Variants in MED15 observed in about 807,000 individuals in gnomAD.
The protein encoded by MED15 is mediator complex subunit 15.
A neutral mutation model predicts 118.7 loss-of-function variants in MED15; 41 were observed. The observed-to-expected ratio is 0.35, with a 90% CI of 0.27 to 0.45. MED15 has a LOEUF of 0.45. Ranked by LOEUF, MED15 falls within the 20% of genes least tolerant of loss-of-function variation. The pLI is 1.00. For synonymous variants in MED15, 436 were observed against 413.9 expected (o/e 1.05, Z -0.65); for missense variants, 740 against 1,025.5 (o/e 0.72, Z 3.80).
intron 1 of MED15, among the ~76,000 whole-genome samples, chr22:20,526,499 T>C (rs2054651297): frequency 6.6e-6 from 1 of 152,258 alleles, no homozygotes; most frequent in African/African-American, 2.4e-5. Flanking sequence ...GTTTACATTT[T>C]CTGCCTACAC....
chr22:20,557,881 C>T lies in MED15; in HGVS notation c.451+2733C>T, dbSNP rs12168994. On this transcript the variant is annotated intron_variant, in intron 5 of 17. Coordinates refer to ENST00000263205, the MANE Select transcript of MED15 (RefSeq NM_001003891.3). ...CAGCACTTTGGGAGGCTGAGGCGGG[C>T]GGATCACGAGGTCAGGAGATCGAGA... Among the ~76,000 whole-genome samples the T allele has an allele frequency of 6.6e-3, 1,011 of 152,160 alleles. 12 individuals carry two copies. Among genetic ancestry groups the T allele is most frequent in the African/African-American group, 0.022 (933 of 41,514 alleles).
chr22:20,541,650 A>T (rs2094431191), intron 2 of MED15, among the ~76,000 whole-genome samples: 1 of 125,514 alleles, frequency 8.0e-6, no homozygotes, highest in South Asian at 2.6e-4. Flanking sequence ...CACCCAGCTA[A>T]TTTTTTTTTT....
intron 9 of MED15, among the ~76,000 whole-genome samples, chr22:20,578,597 C>T (rs2056890133): frequency 1.3e-5 from 2 of 152,154 alleles, no homozygotes; most frequent in South Asian, 4.1e-4. Context: ...CAGTCCCTTC[C>T]GAGAAAAAGA....
chr22:20,544,115 G>A (rs75472746), intron 2 of MED15, among the ~76,000 whole-genome samples: 9,222 of 152,204 alleles, frequency 0.061, 649 homozygotes, highest in East Asian at 0.38. Flanking sequence ...AGATAATACA[G>A]ACTTTCTGTA....
At chr22:20,538,762 C>T (rs141519754) in intron 2 of MED15, among the ~76,000 whole-genome samples, 90 of 152,154 alleles carry the variant, frequency 5.9e-4, no homozygotes, top group African/African-American at 2.1e-3. Context: ...TGCAGTGGCA[C>T]AATCTCAGCT....
intron 1 of MED15, 57 bp downstream of exon 1, chr22:20,507,803 G>A: frequency 1.2e-6 from 2 of 1,609,300 alleles, no homozygotes; most frequent in Admixed American, 3.4e-5. Context: ...TTAGCGTGGC[G>A]GGCGAGGCCA....
At chr22:20,534,175 C>T (rs1158258132) in intron 1 of MED15, among the ~76,000 whole-genome samples, 1 of 152,056 alleles carries the variant, frequency 6.6e-6, no homozygotes, top group Admixed American at 6.6e-5. Flanking sequence ...CTCCCCACTC[C>T]TTACACAGCC....
In MED15 at chr22:20,536,242, A is replaced by G. The variant is rs1261923729; in HGVS notation, c.69-875A>G. Among the ~76,000 whole-genome samples, 7 of 152,138 alleles carry G rather than the reference A, an allele frequency of 4.6e-5. No homozygotes were observed. In the East Asian group the frequency reaches 9.7e-4, roughly 21 times the overall value. Reference sequence around the variant, plus strand: ...AAGGAAGAGACCCATCCCACTGGCAAGAAGGCAGGCAGTGAGCACACCAGA... The same window carrying G: ...AAGGAAGAGACCCATCCCACTGGCAGGAAGGCAGGCAGTGAGCACACCAGA... On this transcript the variant is annotated intron_variant, in intron 1 of 17. Transcript: ENST00000263205.
intron 1 of MED15, among the ~76,000 whole-genome samples, chr22:20,515,235 T>G (rs2146345290): frequency 6.6e-6 from 1 of 152,330 alleles, no homozygotes; most frequent in East Asian, 1.9e-4. Flanking sequence ...AGTTGACAGA[T>G]GTTGACTCAT....
Position 20,551,305 on chromosome 22 carries a change from G to A in MED15, c.157-131G>A, listed in dbSNP as rs532032216. 11 of 858,782 alleles carry A rather than the reference G, an allele frequency of 1.3e-5. 1 individual carries two copies. The highest frequency in any genetic ancestry group is 6.6e-5 in the South Asian group (5 of 75,542). The allele number at this position is 858,782 out of a possible 1,614,324, so 53.2% of individuals were successfully genotyped here. A position where few individuals can be genotyped will look rare whatever the true frequency, so the allele number is the denominator to read the frequency against. ...CGAGAGGCGGATTCCAGAGGAGGCC[G>A]AGCAAGCGTCTGAATCTGCCTTGCA... On this transcript the variant is annotated intron_variant, in intron 2 of 17. Transcript: ENST00000263205.
At chr22:20,508,335 G>C (rs1039875033) in intron 1 of MED15, 1 of 1,304,252 alleles carries the variant, frequency 7.7e-7, no homozygotes, top group Admixed American at 2.3e-5. Context: ...AAGAGCTGGG[G>C]TCAGTGGCCC....
intron 9 of MED15, among the ~76,000 whole-genome samples, chr22:20,576,453 C>G (rs1437491545): frequency 6.6e-6 from 1 of 152,244 alleles, no homozygotes; most frequent in Non-Finnish European, 1.5e-5. Context: ...GTGCCACACA[C>G]CACACACTGC....
intron 5 of MED15, 36 bp downstream of exon 5, chr22:20,555,184 C>T: frequency 5.3e-6 from 8 of 1,523,684 alleles, no homozygotes; most frequent in Non-Finnish European, 7.1e-6. Flanking sequence ...TTGCCGCTTT[C>T]CTTGCAAACG....
Position 20,566,786 on chromosome 22 carries a change from A to G in MED15, c.1010A>G (p.Gln337Arg), listed in dbSNP as rs1245022064. Residue 337 changes from glutamine to arginine, a missense_variant, in exon 7 of 18, where the codon CAA becomes CGA. Gln to Arg is a conservative substitution (Grantham distance 43). Transcript: ENST00000263205. ...TCACAGGCGCAAGCTCTCCCTGGACAAATGTTGTATACCCAACCACCACTG... is the reference window on the plus strand; with the variant it reads ...TCACAGGCGCAAGCTCTCCCTGGACGAATGTTGTATACCCAACCACCACTG... ...LVSQAQALPGQMLYTQPPLKF... is the reference protein window; with the variant it reads ...LVSQAQALPGRMLYTQPPLKF... 6.2e-7 allele frequency: 1 copy of G among 1,614,190 alleles called. No homozygotes were observed. Among genetic ancestry groups the G allele is most frequent in the Admixed American group, 1.7e-5 (1 of 60,026 alleles).
chr22:20,585,883 A>G, intron 17 of MED15, 57 bp downstream of exon 17: 9 of 1,542,888 alleles, frequency 5.8e-6, no homozygotes, highest in Non-Finnish European at 8.0e-6. Context: ...GTCATTGTGG[A>G]AAACCAGGCT....
At chr22:20,543,496 G>A (rs1340276809) in intron 2 of MED15, among the ~76,000 whole-genome samples, 1 of 150,764 alleles carries the variant, frequency 6.6e-6, no homozygotes, top group African/African-American at 2.4e-5. Flanking sequence ...ATAGACGTGA[G>A]CCACCATGCC....
chr22:20,530,479 A>G (rs1174675432), intron 1 of MED15, among the ~76,000 whole-genome samples: 2 of 152,170 alleles, frequency 1.3e-5, no homozygotes, highest in Non-Finnish European at 2.9e-5. Context: ...TGCTTTAGAC[A>G]CCAGCAGAGG....
At chr22:20,569,189 T>C (rs573129371) in intron 8 of MED15, among the ~76,000 whole-genome samples, 1 of 152,292 alleles carries the variant, frequency 6.6e-6, no homozygotes, top group East Asian at 1.9e-4. Flanking sequence ...TGTCTCTGTG[T>C]GTCACGTGTT....
At chr22:20,515,221 C>T (rs1045372572) in intron 1 of MED15, among the ~76,000 whole-genome samples, 7 of 152,202 alleles carry the variant, frequency 4.6e-5, no homozygotes, top group Non-Finnish European at 7.3e-5. Context: ...AGCCCTGTTG[C>T]AGGAGTTGAC....
Sources: gnomAD v4.1 joint callset for allele counts (sites outside exome capture counted in the v4.1 genomes callset) on GRCh38, gnomAD v4.1.1 for gene constraint, MANE v1.5 for transcripts, NCBI Gene and HGNC (gene_info 2026-07-23, HGNC 2026-07-21) for gene names.